The following CTSA variants were observed in gnomAD, a reference collection of about 807,000 sequenced individuals.
CTSA encodes the protein cathepsin A, also known as lysosomal protective protein.
In CTSA, 42 loss-of-function variants were observed where a neutral mutation model predicts 66.7. The observed-to-expected ratio is 0.63, with a 90% CI of 0.49 to 0.81. The LOEUF is 0.81. Among genes scored for constraint, CTSA ranks in the 40% least tolerant of loss-of-function variants. The probability of loss-of-function intolerance (pLI) is 0.00; values close to 1 mark genes in which losing one functional copy is unlikely to be tolerated. For synonymous variants in CTSA, 225 were observed against 248.6 expected, an observed-to-expected ratio of 0.91 and a Z score of 0.89; for missense variants, 525 against 610.9, an observed-to-expected ratio of 0.86 and a Z score of 1.48.
chr20:45,895,460 G>A (rs371614680), intron 11 of CTSA, among the ~76,000 whole-genome samples: 11 of 151,434 alleles, frequency 7.3e-5, no homozygotes, highest in South Asian at 2.1e-4. Flanking sequence ...GACTACAGAC[G>A]CACCACCACC....
At chr20:45,894,111 C>G in intron 8 of CTSA, 39 bp downstream of exon 8, 1 of 1,381,062 alleles carries the variant, frequency 7.2e-7, no homozygotes, top group Non-Finnish European at 1.0e-6. Context: ...CTCTCCCATC[C>G]CTAATCCTGA....
At chr20:45,897,110 C>A in intron 12 of CTSA, 70 bp downstream of exon 12, 1 of 1,213,054 alleles carries the variant, frequency 8.2e-7, no homozygotes, top group Non-Finnish European at 1.2e-6. Context: ...AAGCTGGGGG[C>A]CCTTGAGACT....
chr20:45,892,107 A>G (rs1173568594), intron 3 of CTSA, 80 bp downstream of exon 3: 1 of 1,501,626 alleles, frequency 6.7e-7, no homozygotes. Context: ...GTGATTTTCC[A>G]AAAAGTTTCC....
At position 45,895,143 on chromosome 20, in the gene CTSA, C is replaced by T. The variant is rs4608591; in HGVS notation, c.1088+10C>T. ...AATGGGACATGTGCAAGTGAGGTTC[C>T]GTGGCCACCTGTGACTTGGGGTGGT... On this transcript the variant is annotated intron_variant, in intron 11 of 14. Coordinates refer to ENST00000646241, the MANE Select transcript of CTSA (RefSeq NM_000308.4). 1,044,111 of 1,613,544 alleles carry T rather than the reference C, an allele frequency of 0.65. 339,194 individuals are homozygous for T. The highest frequency in any genetic ancestry group is 0.76 in the Admixed American group (45,559 of 59,966).
intron 7 of CTSA, 111 bp from the exon 8 acceptor site, chr20:45,893,877 C>T (rs1009803571): frequency 1.3e-6 from 1 of 772,850 alleles, no homozygotes; most frequent in Non-Finnish European, 2.3e-6. Context: ...TGATATCTTT[C>T]CCAGTCTCCT....
At chr20:45,895,715 G>A (rs1489638997) in intron 11 of CTSA, among the ~76,000 whole-genome samples, 2 of 152,046 alleles carry the variant, frequency 1.3e-5, no homozygotes, top group Non-Finnish European at 2.9e-5. Flanking sequence ...TGAGTAGCTG[G>A]GTCTACAGGC....
At chr20:45,896,717 G>T in intron 11 of CTSA, 1 of 515,630 alleles carries the variant, frequency 1.9e-6, no homozygotes, top group Non-Finnish European at 3.5e-6. Context: ...GATTACAGGC[G>T]TGAGCCACCA....
chr20:45,893,079 T>C, intron 6 of CTSA, 141 bp from the exon 7 acceptor site: 1 of 927,784 alleles, frequency 1.1e-6, no homozygotes, highest in Non-Finnish European at 1.7e-6. Context: ...TGTTTTGCAT[T>C]GAGTGGCCTC....
chr20:45,892,095 T>C, intron 3 of CTSA, 68 bp downstream of exon 3: 1 of 1,523,864 alleles, frequency 6.6e-7, no homozygotes, highest in Non-Finnish European at 9.1e-7. Context: ...GAGAGGGGCT[T>C]TGTGATTTTC....
chr20:45,896,606 TA>T (rs1394290965), intron 11 of CTSA: 2 of 266,598 alleles, frequency 7.5e-6, no homozygotes, highest in African/African-American at 2.7e-5. Context: ...CTAATTTTTG[TA>T]TTTTTTTTTT....
chr20:45,892,932 CAGTTAGCAAGGTCAGA>C lies in CTSA; in HGVS notation c.600+53_600+68del, dbSNP rs763536488. 3.6e-5 allele frequency: 58 copies of C among 1,602,744 alleles called. 1 individual carries two copies. The South Asian group carries it at 6.2e-4, about 17-fold the overall frequency. On this transcript the variant is annotated intron_variant, in intron 6 of 14. Coordinates refer to ENST00000646241, the MANE Select transcript of CTSA (RefSeq NM_000308.4). ...GAGGTAGCTTGAGGCTGTGGCCTTA[CAGTTAGCAAGGTCAGA>C]CTGACTGGTCAATGTCCCCATCCAA...
chr20:45,893,454 G>A (rs1294335517), intron 7 of CTSA, 143 bp downstream of exon 7: 1 of 695,074 alleles, frequency 1.4e-6, no homozygotes, highest in African/African-American at 1.8e-5. Context: ...GTGCTGAAAG[G>A]CCAAAGAATA....
At chr20:45,894,358 G>A in intron 8 of CTSA, 1 of 607,188 alleles carries the variant, frequency 1.6e-6, no homozygotes. Flanking sequence ...GATTATTTAA[G>A]CTTCAAGATT....
chr20:45,892,964 C>T (rs1987050872), intron 6 of CTSA, 84 bp downstream of exon 6: 1 of 1,485,570 alleles, frequency 6.7e-7, no homozygotes, highest in Non-Finnish European at 9.3e-7. Flanking sequence ...TGGTCAATGT[C>T]CCCATCCAAC....
intron 13 of CTSA, 34 bp from the exon 14 acceptor site, chr20:45,897,971 C>G: frequency 6.2e-7 from 1 of 1,604,886 alleles, no homozygotes. Context: ...AAGGATGCAG[C>G]TGCTGTAGGC....
At chr20:45,895,457 G>GAC (rs1987202469) in intron 11 of CTSA, among the ~76,000 whole-genome samples, 1 of 83,294 alleles carries the variant, frequency 1.2e-5, no homozygotes, top group Non-Finnish European at 2.5e-5. Context: ...TGGGACTACA[G>GAC]ACGCACCACC....
chr20:45,896,185 A>G (rs2083103519), intron 11 of CTSA, among the ~76,000 whole-genome samples: 1 of 151,920 alleles, frequency 6.6e-6, no homozygotes, highest in South Asian at 2.1e-4. Context: ...ACAAAAGTGA[A>G]ACTCCATCTC....
At position 45,894,976 on chromosome 20, in the gene CTSA, A is replaced by C; in HGVS notation, c.949-18A>C. 6.2e-7 allele frequency: 1 copy of C among 1,614,122 alleles called. No homozygotes were observed. Among genetic ancestry groups the C allele is most frequent in the Non-Finnish European group, 8.5e-7 (1 of 1,179,992 alleles). ...GGCAGGGAAGCAGAGGCCCTGACCC[A>C]CTGTCTGTGCCTTCCAGGCACTGCT... On this transcript the variant is annotated intron_variant, in intron 10 of 14. Coordinates refer to ENST00000646241, the MANE Select transcript of CTSA (RefSeq NM_000308.4).
chr20:45,896,744 A>T, intron 11 of CTSA: 1 of 587,494 alleles, frequency 1.7e-6, no homozygotes, highest in Non-Finnish European at 3.1e-6. Flanking sequence ...GCATCCCTGT[A>T]CCTTTCTAAA....
Sources: allele counts gnomAD v4.1 joint callset (sites outside exome capture counted in the v4.1 genomes callset), GRCh38; gene constraint gnomAD v4.1.1; transcripts MANE v1.5; gene names NCBI Gene and HGNC (gene_info 2026-07-23, HGNC 2026-07-21).